The following PLPPR5 variants were observed in gnomAD, a reference collection of about 807,000 sequenced individuals.
The protein encoded by PLPPR5 is phospholipid phosphatase related 5.
A neutral mutation model predicts 33.9 loss-of-function variants in PLPPR5; 16 were observed. The ratio of observed to expected loss-of-function variants is 0.47; its 90% CI spans 0.32 to 0.72. PLPPR5 has a LOEUF of 0.72. PLPPR5 is among the 30% of genes least tolerant of loss of function. The pLI, the probability that PLPPR5 is intolerant of heterozygous loss-of-function variation, is 0.03. For synonymous variants in PLPPR5, 163 were observed against 150.3 expected, an observed-to-expected ratio of 1.08 and a Z score of -0.62; for missense variants, 301 against 406.7, an observed-to-expected ratio of 0.74 and a Z score of 2.23.
At chr1:98,975,060 C>T (rs1021368826) in intron 1 of PLPPR5, among the ~76,000 whole-genome samples, 4 of 152,066 alleles carry the variant, frequency 2.6e-5, no homozygotes, top group African/African-American at 9.7e-5. Flanking sequence ...CTGCTCCCCA[C>T]AAGACCTCCC....
chr1:98,894,699 T>C (rs1468922872), intron 5 of PLPPR5, among the ~76,000 whole-genome samples: 3 of 152,112 alleles, frequency 2.0e-5, no homozygotes, highest in African/African-American at 7.2e-5. Flanking sequence ...GGCCTAGGCC[T>C]CAGGGTTCCC....
chr1:99,002,350 C>G (rs1487888450), intron 1 of PLPPR5, among the ~76,000 whole-genome samples: 1 of 152,204 alleles, frequency 6.6e-6, no homozygotes, highest in African/African-American at 2.4e-5. Context: ...ATTCTCAATG[C>G]CTGCCTGACC....
intron 1 of PLPPR5, among the ~76,000 whole-genome samples, chr1:98,964,285 T>C (rs1472250232): frequency 1.3e-5 from 2 of 152,164 alleles, no homozygotes; most frequent in Non-Finnish European, 2.9e-5. Flanking sequence ...CAGTGTTAAC[T>C]GAGATCGACT....
Position 98,953,339 on chromosome 1 carries a change from A to T in PLPPR5, c.371-19T>A. 6.2e-7 allele frequency: 1 copy of T among 1,603,436 alleles called. No individual in the cohort carries two copies. The highest frequency in any genetic ancestry group is 8.5e-7 in the Non-Finnish European group (1 of 1,176,626). ...TAAATTCCTGGGGAAGAAAACAAATAATTTTAACTTCTTGCTTGTGTGTGT... is the reference window on the plus strand; with the variant it reads ...TAAATTCCTGGGGAAGAAAACAAATTATTTTAACTTCTTGCTTGTGTGTGT... On this transcript the variant is annotated intron_variant, in intron 2 of 5. Transcript: ENST00000263177.
Position 98,914,766 on chromosome 1 carries a change from G to T in PLPPR5, c.933+20C>A, listed in dbSNP as rs375842420. 25 of 1,587,954 alleles carry T rather than the reference G, an allele frequency of 1.6e-5. No homozygotes were observed. The highest frequency in any genetic ancestry group is 2.1e-5 in the Non-Finnish European group (24 of 1,165,754). ...CATTTGCTCTAGTTATTATAATTTA[G>T]AATTTAAATTGTGAGTCACCTGTAC... On this transcript the variant is annotated intron_variant, in intron 5 of 5. Transcript: ENST00000263177.
chr1:98,941,505 A>T (rs1650366321), intron 3 of PLPPR5, among the ~76,000 whole-genome samples: 1 of 151,382 alleles, frequency 6.6e-6, no homozygotes, highest in African/African-American at 2.4e-5. Flanking sequence ...ATTTCTTTCA[A>T]AGATGCGACG....
chr1:98,949,035 G>T (rs1235933727), intron 3 of PLPPR5, among the ~76,000 whole-genome samples: 6 of 151,968 alleles, frequency 3.9e-5, no homozygotes, highest in African/African-American at 1.5e-4. Flanking sequence ...ATTTATATGA[G>T]GTTAACTGGA....
intron 5 of PLPPR5, 80 bp downstream of exon 5, chr1:98,914,706 G>A: frequency 7.8e-7 from 1 of 1,274,508 alleles, no homozygotes; most frequent in Non-Finnish European, 1.1e-6. Context: ...AAACTGTGTG[G>A]ACATGCTCCA....
intron 1 of PLPPR5, among the ~76,000 whole-genome samples, chr1:98,985,204 G>C (rs1652211732): frequency 6.6e-6 from 1 of 151,950 alleles, no homozygotes. Context: ...CTGATTGCTG[G>C]AACATCCTAG....
chr1:98,941,990 G>GTATATATA (rs59224131), intron 3 of PLPPR5, among the ~76,000 whole-genome samples: 1 of 146,852 alleles, frequency 6.8e-6, no homozygotes, highest in African/African-American at 2.5e-5. Flanking sequence ...ATATGTATAC[G>GTATATATA]TATATATATA....
chr1:98,902,263 T>A (rs1198978789), intron 5 of PLPPR5, among the ~76,000 whole-genome samples: 1 of 152,142 alleles, frequency 6.6e-6, no homozygotes, highest in Non-Finnish European at 1.5e-5. Context: ...AAATCATATC[T>A]ATGATGCATT....
chr1:98,900,757 G>A (rs1163918107), intron 5 of PLPPR5, among the ~76,000 whole-genome samples: 2 of 152,112 alleles, frequency 1.3e-5, no homozygotes. Context: ...CCAAGTGCAT[G>A]ATAAATTCTT....
At chr1:98,947,741 C>T (rs1256054141) in intron 3 of PLPPR5, among the ~76,000 whole-genome samples, 1 of 152,152 alleles carries the variant, frequency 6.6e-6, no homozygotes, top group East Asian at 1.9e-4. Flanking sequence ...CCCCCAACTA[C>T]ATCAATAACA....
rs1390086853 is a variant in PLPPR5 at position 98,984,104 on chromosome 1, AACTTG to A, written c.237+20326_237+20330del. Among the ~76,000 whole-genome samples the A allele has an allele frequency of 2.0e-5, 3 of 152,148 alleles. No homozygotes were observed. In the East Asian group the frequency reaches 5.8e-4, roughly 30 times the overall value. ...AAGTGTATCTCAAAGCCAAAGCCAC[AACTTG>A]ACTGGTGGGCTCAGTTCAGGAACTT... On this transcript the variant is annotated intron_variant, in intron 1 of 5. Coordinates refer to ENST00000263177, the MANE Select transcript of PLPPR5 (RefSeq NM_001037317.2).
At chr1:98,921,803 G>T in intron 4 of PLPPR5, 79 bp downstream of exon 4, 1 of 1,165,114 alleles carries the variant, frequency 8.6e-7, no homozygotes, top group Non-Finnish European at 1.2e-6. Flanking sequence ...CAAACCCAGT[G>T]ATTCACACTT....
intron 1 of PLPPR5, among the ~76,000 whole-genome samples, chr1:98,965,979 G>C (rs1651436915): frequency 6.6e-6 from 1 of 152,180 alleles, no homozygotes. Context: ...ACAGTCATGG[G>C]ACACACCTAA....
chr1:98,900,305 G>A (rs985074175), intron 5 of PLPPR5, among the ~76,000 whole-genome samples: 2 of 151,982 alleles, frequency 1.3e-5, no homozygotes, highest in African/African-American at 4.8e-5. Flanking sequence ...TTCTCCAGCT[G>A]GACCATTCTT....
chr1:98,940,409 C>A (rs1021964620), intron 3 of PLPPR5, among the ~76,000 whole-genome samples: 39 of 151,888 alleles, frequency 2.6e-4, no homozygotes, highest in African/African-American at 8.9e-4. Context: ...GGCTTCATCT[C>A]CAAATATTAT....
At chr1:98,912,662 T>C (rs1169779895) in intron 5 of PLPPR5, among the ~76,000 whole-genome samples, 3 of 152,148 alleles carry the variant, frequency 2.0e-5, no homozygotes, top group Admixed American at 2.0e-4. Context: ...GTCATGAATA[T>C]AGCTAAAATT....
Sources: allele counts gnomAD v4.1 joint callset (sites outside exome capture counted in the v4.1 genomes callset), GRCh38; gene constraint gnomAD v4.1.1; transcripts MANE v1.5; gene names NCBI Gene and HGNC (gene_info 2026-07-23, HGNC 2026-07-21).